Variants in SAXO1 observed in about 807,000 individuals in gnomAD.
SAXO1 encodes the protein 4930500O09Rik.
SAXO1 carries 21 observed loss-of-function variants against 17.5 expected under a neutral mutation model. The ratio of observed to expected loss-of-function variants is 1.20; its 90% CI spans 0.85 to 1.72. The LOEUF is 1.72. SAXO1 is among the 40% of genes most tolerant of loss of function. The pLI is 0.00. For synonymous variants in SAXO1, 274 were observed against 216.5 expected (o/e 1.27, Z -2.33); for missense variants, 843 against 596.0 (o/e 1.41, Z -4.32).
At chr9:19,010,108 C>T (rs1001639773) in intron 1 of SAXO1, among the ~76,000 whole-genome samples, 5 of 151,508 alleles carry the variant, frequency 3.3e-5, no homozygotes, top group East Asian at 1.9e-4. Context: ...GGATTTCAGG[C>T]GTGAGCCACT....
chr9:18,941,878 T>C (rs1179321587), intron 2 of SAXO1, 39 bp from the exon 3 acceptor site: 2 of 1,592,588 alleles, frequency 1.3e-6, no homozygotes, highest in Non-Finnish European at 1.7e-6. Flanking sequence ...GGTCCTTGGC[T>C]TGCGATAAGG....
intron 1 of SAXO1, among the ~76,000 whole-genome samples, chr9:18,968,594 T>TTTTG (rs1425130377): frequency 6.5e-5 from 4 of 61,924 alleles, no homozygotes; most frequent in Admixed American, 1.5e-4. Flanking sequence ...ATGTCCCCCT[T>TTTTG]TTTGTTTTTT....
chr9:18,968,871 G>C (rs1418547932), intron 1 of SAXO1, among the ~76,000 whole-genome samples: 2 of 152,168 alleles, frequency 1.3e-5, no homozygotes, highest in Admixed American at 6.5e-5. Flanking sequence ...TAGGATTACA[G>C]ACATGAGCCC....
At chr9:19,012,519 A>G (rs1834790666) in intron 1 of SAXO1, among the ~76,000 whole-genome samples, 1 of 152,204 alleles carries the variant, frequency 6.6e-6, no homozygotes, top group Admixed American at 6.5e-5. Flanking sequence ...GGCACGAACC[A>G]TATGGGGGAC....
intron 1 of SAXO1, among the ~76,000 whole-genome samples, chr9:19,019,092 A>G (rs1322091693): frequency 1.3e-5 from 2 of 151,934 alleles, no homozygotes; most frequent in Non-Finnish European, 2.9e-5. Flanking sequence ...CTGGGCAACA[A>G]GAGTGAAACT....
At chr9:19,029,400 CT>C (rs929242559) in intron 1 of SAXO1, among the ~76,000 whole-genome samples, 5 of 152,334 alleles carry the variant, frequency 3.3e-5, no homozygotes, top group African/African-American at 1.2e-4. Context: ...CGGTCTCCCC[CT>C]CCCACTCAAG....
At chr9:19,029,537 C>T (rs1302306927) in intron 1 of SAXO1, among the ~76,000 whole-genome samples, 3 of 152,164 alleles carry the variant, frequency 2.0e-5, no homozygotes, top group Non-Finnish European at 4.4e-5. Flanking sequence ...TAAAATTCCT[C>T]GCTCCATCCC....
chr9:19,033,846 G>C (rs1283718339), upstream of SAXO1, among the ~76,000 whole-genome samples: 1 of 152,162 alleles, frequency 6.6e-6, no homozygotes, highest in Non-Finnish European at 1.5e-5. Flanking sequence ...CCAAAGACTT[G>C]CATTTCTTAC....
chr9:18,955,509 G>A (rs1325272105), intron 1 of SAXO1, among the ~76,000 whole-genome samples: 1 of 152,174 alleles, frequency 6.6e-6, no homozygotes, highest in Non-Finnish European at 1.5e-5. Context: ...TTGGGTACTG[G>A]AAGTTTACTC....
At position 18,988,756 on chromosome 9, in the gene SAXO1, C is replaced by A. The variant is rs565085124; in HGVS notation, c.39-37819G>T. 3.0e-3 allele frequency among the ~76,000 whole-genome samples: 458 copies of A among 152,150 alleles called. 8 individuals carry two copies. The South Asian group carries it at 0.044, about 15-fold the overall frequency. ...CTTTACTTTTATAATATATTAGTAA[C>A]CACATGTATGATTTATGTGATGCTG... On this transcript the variant is annotated intron_variant, in intron 1 of 3. Coordinates refer to ENST00000380534, the MANE Select transcript of SAXO1 (RefSeq NM_153707.4).
chr9:18,991,885 T>C (rs1435844635), intron 1 of SAXO1, among the ~76,000 whole-genome samples: 2 of 152,142 alleles, frequency 1.3e-5, no homozygotes, highest in Non-Finnish European at 2.9e-5. Flanking sequence ...TTTTGAGACC[T>C]TTGGCTACCA....
intron 1 of SAXO1, among the ~76,000 whole-genome samples, chr9:19,048,474 C>CT (rs1654106412): frequency 6.6e-6 from 1 of 151,868 alleles, no homozygotes; most frequent in Non-Finnish European, 1.5e-5. Flanking sequence ...AAAAAAAGGA[C>CT]TTTAAGGTAG....
intron 3 of SAXO1, among the ~76,000 whole-genome samples, chr9:18,938,830 G>GTGTGTGTGTGTGTGTGTGTGTGTA (rs1831420766): frequency 6.8e-6 from 1 of 147,762 alleles, no homozygotes; most frequent in Admixed American, 6.7e-5. Flanking sequence ...GCGTGTGTGT[G>GTGTGTGTGTGTGTGTGTGTGTGTA]TGTGTGTGTG....
chr9:18,989,955 C>A (rs550055027), intron 1 of SAXO1, among the ~76,000 whole-genome samples: 91 of 152,296 alleles, frequency 6.0e-4, no homozygotes, highest in African/African-American at 2.2e-3. Context: ...GCACCACATA[C>A]AAAAGGAGTT....
chr9:18,998,172 A>T (rs1178165456), intron 1 of SAXO1, among the ~76,000 whole-genome samples: 2 of 152,158 alleles, frequency 1.3e-5, no homozygotes, highest in Non-Finnish European at 2.9e-5. Flanking sequence ...TCTCCCAGCT[A>T]AAGGAGTATG....
chr9:18,951,455 C>T (rs980931132), intron 1 of SAXO1, among the ~76,000 whole-genome samples: 1 of 152,194 alleles, frequency 6.6e-6, no homozygotes, highest in African/African-American at 2.4e-5. Context: ...GCAAAATCAC[C>T]TTAGTTCTGA....
intron 1 of SAXO1, chr9:19,027,769 G>A: frequency 6.6e-7 from 1 of 1,506,110 alleles, no homozygotes. Flanking sequence ...CGATGCTGGA[G>A]CTTCTGAACC....
chr9:18,955,570 T>C (rs1832225203), intron 1 of SAXO1, among the ~76,000 whole-genome samples: 1 of 152,246 alleles, frequency 6.6e-6, no homozygotes, highest in Admixed American at 6.5e-5. Flanking sequence ...TGTTGATTAA[T>C]ACAATATCCG....
In SAXO1 at chr9:18,950,548, C is replaced by T. The variant is rs1831989538; in HGVS notation, c.218+210G>A. Among the ~76,000 whole-genome samples, 4 of 152,202 alleles carry T rather than the reference C, an allele frequency of 2.6e-5. No homozygotes were observed. In the South Asian group the frequency reaches 8.3e-4, roughly 31 times the overall value. On this transcript the variant is annotated intron_variant, in intron 2 of 3. Coordinates refer to ENST00000380534, the MANE Select transcript of SAXO1 (RefSeq NM_153707.4). ...ACTTCAGCAAGCAAGAATCCTTTCT[C>T]TTTAACAGAGAATTTGGAAAAAACT...
Sources: gnomAD v4.1 joint callset for allele counts (sites outside exome capture counted in the v4.1 genomes callset) on GRCh38, gnomAD v4.1.1 for gene constraint, MANE v1.5 for transcripts, NCBI Gene and HGNC (gene_info 2026-07-23, HGNC 2026-07-21) for gene names.